LRBA: variants seen among roughly 807,000 people sequenced by gnomAD.
LRBA encodes the protein lipopolysaccharide-responsive and beige-like anchor protein.
In LRBA, 176 loss-of-function variants were observed where a neutral mutation model predicts 330.0. The ratio of observed to expected loss-of-function variants is 0.53; its 90% CI spans 0.47 to 0.60. LRBA has a LOEUF of 0.60. LRBA is among the 20% of genes least tolerant of loss of function. The pLI, the probability that LRBA is intolerant of heterozygous loss-of-function variation, is 0.00. For missense variants in LRBA, 3,259 were observed against 3,444.8 expected (o/e 0.95, Z 1.35); for synonymous variants, 1,230 against 1,193.0 (o/e 1.03, Z -0.64).
chr4:150,775,805 G>GAAAAAAAAAAAAAAAAA (rs35161747), intron 34 of LRBA, among the ~76,000 whole-genome samples: 4 of 59,980 alleles, frequency 6.7e-5, no homozygotes, highest in East Asian at 4.8e-4. Context: ...AAGAAAGAAT[G>GAAAAAAAAAAAAAAAAA]AAAAAAAAAA....
At chr4:150,816,434 A>G (rs1197558183) in intron 31 of LRBA, among the ~76,000 whole-genome samples, 1 of 151,972 alleles carries the variant, frequency 6.6e-6, no homozygotes, top group Non-Finnish European at 1.5e-5. Context: ...AAGTTTACCC[A>G]GTATCACCAT....
chr4:150,816,887 C>T (rs373318709), intron 31 of LRBA, among the ~76,000 whole-genome samples: 8 of 151,972 alleles, frequency 5.3e-5, no homozygotes, highest in Admixed American at 5.3e-4. Flanking sequence ...ATCTACCCAA[C>T]TAGCAGCATC....
At position 150,683,570 on chromosome 4, in the gene LRBA, A is replaced by G; in HGVS notation, c.5902T>C (p.Trp1968Arg). The G allele has an allele frequency of 1.2e-6, 2 of 1,613,856 alleles. No homozygotes were observed. Among genetic ancestry groups the G allele is most frequent in the Non-Finnish European group, 8.5e-7 (1 of 1,179,858 alleles). Residue 1968 changes from tryptophan to arginine, a missense_variant, in exon 37 of 57, where the codon TGG (tryptophan) becomes CGG (arginine). Trp to Arg is a moderately radical substitution (Grantham distance 101). Transcript: ENST00000651943. ...CTTTACCTCACTGCAGAATTTCCCCAGGCTCCATGCTTGTCTGTGAGAATG... is the reference window on the plus strand; with the variant it reads ...CTTTACCTCACTGCAGAATTTCCCCGGGCTCCATGCTTGTCTGTGAGAATG... ...INILTDKHGA[W>R]GNSAVSRPLE...
In LRBA at chr4:150,743,624, A is replaced by G. The variant is rs56029632; in HGVS notation, c.5646-8258T>C. ...CAACATTTTTTGGTTAGTAAGTTCTATAAGAGCACAACTAGGCCCATTTGT... is the reference window on the plus strand; with the variant it reads ...CAACATTTTTTGGTTAGTAAGTTCTGTAAGAGCACAACTAGGCCCATTTGT... On this transcript the variant is annotated intron_variant, in intron 35 of 56. Coordinates refer to ENST00000651943, the MANE Select transcript of LRBA (RefSeq NM_001364905.1). Among the ~76,000 whole-genome samples, 244 of 152,346 alleles carry G rather than the reference A, an allele frequency of 1.6e-3. 1 individual carries two copies. The highest frequency in any genetic ancestry group is 3.7e-3 in the Admixed American group (56 of 15,300).
chr4:150,632,411 G>A (rs963060055), intron 37 of LRBA, among the ~76,000 whole-genome samples: 4 of 152,166 alleles, frequency 2.6e-5, no homozygotes, highest in Non-Finnish European at 5.9e-5. Flanking sequence ...CCCTGTTACA[G>A]TGATGCCTGG....
chr4:150,273,949 C>T (rs1164859733), intron 56 of LRBA, among the ~76,000 whole-genome samples: 1 of 152,116 alleles, frequency 6.6e-6, no homozygotes, highest in Non-Finnish European at 1.5e-5. Context: ...CAGCTCTGGA[C>T]CAAGCAGACC....
intron 28 of LRBA, chr4:150,840,859 T>C: frequency 9.7e-6 from 9 of 932,614 alleles, no homozygotes; most frequent in Non-Finnish European, 1.1e-5. Flanking sequence ...TGCCTGTAAA[T>C]AGAAACTAAT....
chr4:150,395,546 C>A (rs1394997028), intron 47 of LRBA, among the ~76,000 whole-genome samples: 1 of 152,142 alleles, frequency 6.6e-6, no homozygotes, highest in Non-Finnish European at 1.5e-5. Context: ...GTCCGATACT[C>A]ACACTGCCAT....
intron 56 of LRBA, among the ~76,000 whole-genome samples, chr4:150,270,971 T>C (rs1243443463): frequency 6.6e-6 from 1 of 152,216 alleles, no homozygotes; most frequent in Non-Finnish European, 1.5e-5. Flanking sequence ...AGATTGACGC[T>C]GGGTGGATGA....
rs1279069126 is a variant in LRBA at position 150,897,735 on chromosome 4, T to G, written c.2004+4A>C. The G allele has an allele frequency of 6.2e-7, 1 of 1,604,366 alleles. No individual in the cohort carries two copies. Among genetic ancestry groups the G allele is most frequent in the African/African-American group, 1.3e-5 (1 of 74,718 alleles). Reference sequence around the variant, plus strand: ...ATGCTATGGAATAAGCAACGTGAACTCACCTTCATCACTAATTGCTTAATG... The same window carrying G: ...ATGCTATGGAATAAGCAACGTGAACGCACCTTCATCACTAATTGCTTAATG... On this transcript the variant is annotated splice_donor_region_variant and intron_variant, in intron 15 of 56. Coordinates refer to ENST00000651943, the MANE Select transcript of LRBA (RefSeq NM_001364905.1).
intron 40 of LRBA, chr4:150,584,192 G>C (rs75096474): frequency 7.2e-7 from 1 of 1,389,106 alleles, no homozygotes; most frequent in Non-Finnish European, 9.4e-7. Flanking sequence ...CAGAAACTCT[G>C]GACACAAACT....
chr4:150,821,736 C>A (rs549857229), intron 30 of LRBA, among the ~76,000 whole-genome samples: 2 of 152,258 alleles, frequency 1.3e-5, no homozygotes, highest in East Asian at 1.9e-4. Flanking sequence ...AAAAGCCAAA[C>A]CAGTCCTTGA....
intron 44 of LRBA, among the ~76,000 whole-genome samples, chr4:150,448,486 A>G (rs1395558614): frequency 1.3e-5 from 2 of 152,168 alleles, no homozygotes; most frequent in South Asian, 2.1e-4. Context: ...GCATGGGAGG[A>G]AGAGGTAGTC....
chr4:150,375,639 A>G lies in LRBA; in HGVS notation c.7195-25480T>C, dbSNP rs556084471. 6.8e-3 allele frequency among the ~76,000 whole-genome samples: 827 copies of G among 121,830 alleles called. 5 individuals carry two copies. The highest frequency in any genetic ancestry group is 0.012 in the South Asian group (51 of 4,246). The allele number at this position is 121,830 out of a possible 152,430, so 79.9% of individuals were successfully genotyped here. The stretch of plus-strand genomic sequence containing the variant: ...ACACCTGTATTTTTTTTTTTTTTGA[A>G]TTTTTAGTAGAGACGGGATTTCACC... On this transcript the variant is annotated intron_variant, in intron 47 of 56. Coordinates refer to ENST00000651943, the MANE Select transcript of LRBA (RefSeq NM_001364905.1).
At chr4:150,905,626 T>G (rs555689214) in intron 13 of LRBA, among the ~76,000 whole-genome samples, 2 of 152,086 alleles carry the variant, frequency 1.3e-5, no homozygotes, top group Non-Finnish European at 2.9e-5. Context: ...TTTGTATGTA[T>G]GTATATATTA....
intron 40 of LRBA, among the ~76,000 whole-genome samples, chr4:150,573,467 C>T (rs1770125412): frequency 6.6e-6 from 1 of 150,876 alleles, no homozygotes; most frequent in Admixed American, 6.6e-5. Context: ...ATGACCATAA[C>T]ACAGAAGTAA....
chr4:150,854,697 T>G (rs1751019985), intron 22 of LRBA, among the ~76,000 whole-genome samples: 1 of 151,752 alleles, frequency 6.6e-6, no homozygotes, highest in Non-Finnish European at 1.5e-5. Flanking sequence ...AAGGCAAGAA[T>G]AAAAGAGAGA....
intron 40 of LRBA, among the ~76,000 whole-genome samples, chr4:150,578,543 G>A (rs970293934): frequency 3.9e-5 from 6 of 152,134 alleles, no homozygotes; most frequent in African/African-American, 1.4e-4. Flanking sequence ...AGGATGTAAT[G>A]AGTAATCTGG....
intron 35 of LRBA, among the ~76,000 whole-genome samples, chr4:150,738,141 C>T (rs976058967): frequency 2.0e-5 from 3 of 151,978 alleles, no homozygotes; most frequent in African/African-American, 7.3e-5. Context: ...CAAGTATTCA[C>T]AATCATGCCA....
Sources: gnomAD v4.1 joint callset for allele counts (sites outside exome capture counted in the v4.1 genomes callset) on GRCh38, gnomAD v4.1.1 for gene constraint, MANE v1.5 for transcripts, NCBI Gene and HGNC (gene_info 2026-07-23, HGNC 2026-07-21) for gene names.